The following MICALL1 variants were observed in gnomAD, a reference collection of about 807,000 sequenced individuals.
MICALL1 encodes the protein MICAL like 1, also known as MICAL-like protein 1.
A neutral mutation model predicts 83.7 loss-of-function variants in MICALL1; 61 were observed. The observed-to-expected ratio is 0.73, with a 90% CI of 0.59 to 0.90. MICALL1 has a LOEUF of 0.90. MICALL1 is among the 40% of genes least tolerant of loss of function. The probability of loss-of-function intolerance (pLI) is 0.00; values close to 1 mark genes in which losing one functional copy is unlikely to be tolerated. For missense variants in MICALL1, 1,066 were observed against 1,152.0 expected (o/e 0.93, Z 1.08); for synonymous variants, 481 against 473.6 (o/e 1.02, Z -0.20).
At position 37,925,906 on chromosome 22, in the gene MICALL1, G is replaced by T. The variant is rs534439966; in HGVS notation, c.1328G>T (p.Ser443Ile). ...GAGGAAGAGGCTCCAGCTGCACCCA[G>T]CCTGGCCACCAGCCCTGCCCTGGGC... The part of the protein sequence containing the change: ...DKEEEAPAAP[S>I]LATSPALGHP... The change falls in exon 8 of 16, where the codon AGC (serine) becomes ATC (isoleucine). Residue 443 changes from serine to isoleucine, a missense_variant. By Grantham distance (142) the Ser-to-Ile change is moderately radical. Transcript: ENST00000215957. 6.2e-6 allele frequency: 10 copies of T among 1,612,886 alleles called. No individual in the cohort carries two copies. The African/African-American group carries it at 9.3e-5, about 15-fold the overall frequency.
In MICALL1 at chr22:37,911,987, A is replaced by G. The variant is rs1451076669; in HGVS notation, c.182A>G (p.Glu61Gly). ...FDSLSKDNVF[E>G]NNRLAFEVAE... Reference sequence around the variant, plus strand: ...TCGCTTTCCAAGGACAATGTCTTCGAGAATAACCGTTTGGTAAGTTCCCGG... The same window carrying G: ...TCGCTTTCCAAGGACAATGTCTTCGGGAATAACCGTTTGGTAAGTTCCCGG... Residue 61 changes from glutamate to glycine, a missense_variant, in exon 2 of 16, where the codon GAG becomes GGG. Transcript: ENST00000215957. 1.2e-6 allele frequency: 2 copies of G among 1,614,004 alleles called. No individual in the cohort carries two copies. The highest frequency in any genetic ancestry group is 1.7e-6 in the Non-Finnish European group (2 of 1,180,036).
chr22:37,934,803 A>G (rs574144665), intron 13 of MICALL1, among the ~76,000 whole-genome samples: 58 of 150,938 alleles, frequency 3.8e-4, no homozygotes, highest in African/African-American at 1.1e-3. Flanking sequence ...TCACCATGTT[A>G]GCCAGGATGG....
At chr22:37,912,198 C>G (rs1273287615) in intron 2 of MICALL1, among the ~76,000 whole-genome samples, 153 bp from the exon 3 acceptor site, 2 of 152,218 alleles carry the variant, frequency 1.3e-5, no homozygotes, top group Non-Finnish European at 2.9e-5. Context: ...TCCAGGCCAT[C>G]CTGTGGTGCT....
intron 13 of MICALL1, among the ~76,000 whole-genome samples, chr22:37,934,893 G>A (rs78357579): frequency 4.7e-5 from 7 of 148,776 alleles, no homozygotes; most frequent in Admixed American, 3.4e-4. Context: ...ACTGCGCCTG[G>A]CTCTATTTAT....
intron 13 of MICALL1, 60 bp downstream of exon 13, chr22:37,933,172 G>A (rs1929896156): frequency 6.4e-7 from 1 of 1,563,014 alleles, no homozygotes; most frequent in Non-Finnish European, 8.8e-7. Context: ...ACACGGAGGA[G>A]TGGGGGAGCG....
At chr22:37,935,554 C>T (rs567828882) in intron 13 of MICALL1, among the ~76,000 whole-genome samples, 19 of 151,884 alleles carry the variant, frequency 1.3e-4, no homozygotes, top group African/African-American at 3.1e-4. Context: ...CCACCGCACC[C>T]GGCCTATTAT....
At chr22:37,939,542 G>A (rs1930316329) in intron 15 of MICALL1, among the ~76,000 whole-genome samples, 2 of 152,070 alleles carry the variant, frequency 1.3e-5, no homozygotes, top group South Asian at 2.1e-4. Flanking sequence ...TTGGGAGGCC[G>A]AGGCCGGCAG....
Position 37,924,312 on chromosome 22 carries a change from C to T in MICALL1, c.1025-348C>T, listed in dbSNP as rs1166261340. 6.6e-6 allele frequency among the ~76,000 whole-genome samples: 1 copy of T among 152,168 alleles called. No individual in the cohort carries two copies. Among genetic ancestry groups the T allele is most frequent in the Non-Finnish European group, 1.5e-5 (1 of 68,020 alleles). On this transcript the variant is annotated intron_variant, in intron 6 of 15. Coordinates refer to ENST00000215957, the MANE Select transcript of MICALL1 (RefSeq NM_033386.4). This position sits in a 1 kb window ranked among gnomAD's most constrained non-coding sequence, Gnocchi z 5.2. ...GTTGGAAGGAGGGGAGCAGGGGCTG[C>T]TGTGGGATTCACAGAGGACACTTGG...
Position 37,906,414 on chromosome 22 carries a change from C to T in MICALL1, c.-9C>T. 7.1e-6 allele frequency: 8 copies of T among 1,119,322 alleles called. No individual in the cohort carries two copies. Among genetic ancestry groups the T allele is most frequent in the Non-Finnish European group, 8.7e-6 (8 of 915,872 alleles). The allele number at this position is 1,119,322 out of a possible 1,614,324, so 69.3% of individuals were successfully genotyped here. On this transcript the variant is annotated 5_prime_UTR_variant, in exon 1 of 16. Coordinates refer to ENST00000215957, the MANE Select transcript of MICALL1 (RefSeq NM_033386.4). This position sits in a 1 kb window ranked among gnomAD's most constrained non-coding sequence, Gnocchi z 4.4. ...AAGCCAGAGCCGGAGCCGGGCGGGC[C>T]GCGGGGTCATGGCTGGGCCGCGGGG...
chr22:37,934,115 C>T (rs546558307), intron 13 of MICALL1, among the ~76,000 whole-genome samples: 1 of 152,376 alleles, frequency 6.6e-6, no homozygotes, highest in East Asian at 1.9e-4. Flanking sequence ...CACGGCTCCT[C>T]TGCCTCCCTG....
At chr22:37,935,088 C>T (rs576810826) in intron 13 of MICALL1, among the ~76,000 whole-genome samples, 1 of 141,918 alleles carries the variant, frequency 7.0e-6, no homozygotes, top group Non-Finnish European at 1.5e-5. Flanking sequence ...ACCTGCCACC[C>T]CGCCCGGCTA....
In MICALL1 at chr22:37,926,026, C is replaced by T; in HGVS notation, c.1448C>T (p.Pro483Leu). The T allele has an allele frequency of 6.2e-7, 1 of 1,602,980 alleles. No homozygotes were observed. The highest frequency in any genetic ancestry group is 1.3e-5 in the African/African-American group (1 of 74,716). ...AAGAAGCGCCCTGCCCCGCGCGCAC[C>T]CAGCGCGTCCCCACTGGGTGAGTGC... ...KTKKRPAPRAPSASPLALHAS... is the reference protein window; with the variant it reads ...KTKKRPAPRALSASPLALHAS... The change falls in exon 8 of 16, where the codon CCC (proline) becomes CTC (leucine). Residue 483 changes from proline (P) to leucine (L), a missense_variant. Physicochemically the swap from Pro to Leu is moderately conservative, Grantham distance 98. Transcript: ENST00000215957.
chr22:37,934,572 T>G (rs1181905931), intron 13 of MICALL1, among the ~76,000 whole-genome samples: 1 of 143,684 alleles, frequency 7.0e-6, no homozygotes, highest in Non-Finnish European at 1.5e-5. Flanking sequence ...TTATTTATTT[T>G]GGGGGGGGGT....
At chr22:37,909,831 C>T (rs1470441225) in intron 1 of MICALL1, among the ~76,000 whole-genome samples, 1 of 151,934 alleles carries the variant, frequency 6.6e-6, no homozygotes, top group Non-Finnish European at 1.5e-5. Context: ...GGGAAGTCCT[C>T]AGTGATGGGT....
At chr22:37,938,461 T>C (rs1363860027) in intron 15 of MICALL1, among the ~76,000 whole-genome samples, 1 of 150,828 alleles carries the variant, frequency 6.6e-6, no homozygotes, top group Non-Finnish European at 1.5e-5. Flanking sequence ...TCTTTTCTTT[T>C]TTTTTTTTTT....
chr22:37,926,003 G>T lies in MICALL1; in HGVS notation c.1425G>T (p.Lys475Asn). Reference protein sequence around the residue: ...GITPTSSPKTKKRPAPRAPSA... With the variant: ...GITPTSSPKTNKRPAPRAPSA... Reference sequence around the variant, plus strand: ...CCCCTACCAGCAGCCCCAAGACAAAGAAGCGCCCTGCCCCGCGCGCACCCA... The same window carrying T: ...CCCCTACCAGCAGCCCCAAGACAAATAAGCGCCCTGCCCCGCGCGCACCCA... Residue 475 changes from lysine to asparagine, a missense_variant, in exon 8 of 16, where the codon AAG (lysine) becomes AAT (asparagine). Physicochemically the swap from Lys to Asn is moderately conservative, Grantham distance 94. Coordinates refer to ENST00000215957, the MANE Select transcript of MICALL1 (RefSeq NM_033386.4). The T allele has an allele frequency of 6.2e-7, 1 of 1,613,300 alleles. No individual in the cohort carries two copies. The highest frequency in any genetic ancestry group is 2.2e-5 in the East Asian group (1 of 44,864).
chr22:37,925,123 T>C (rs1367692205), intron 7 of MICALL1, among the ~76,000 whole-genome samples: 4 of 152,158 alleles, frequency 2.6e-5, no homozygotes, highest in Non-Finnish European at 4.4e-5. Context: ...CTGCTTCACG[T>C]GGAGGACATC....
Position 37,937,201 on chromosome 22 carries a change from T to C in MICALL1, c.2423+7T>C. The C allele has an allele frequency of 8.6e-7, 1 of 1,169,078 alleles. No individual in the cohort carries two copies. The highest frequency in any genetic ancestry group is 1.3e-5 in the South Asian group (1 of 75,994). The allele number at this position is 1,169,078 out of a possible 1,614,324, so 72.4% of individuals were successfully genotyped here. A position where few individuals can be genotyped will look rare whatever the true frequency, so the allele number is the denominator to read the frequency against. On this transcript the variant is annotated splice_region_variant and intron_variant, in intron 14 of 15. Transcript: ENST00000215957. The stretch of plus-strand genomic sequence containing the variant: ...TGGATGAGGACCGGCAGAGGTGACA[T>C]GGCCAGGGGTGGGGGGTCCTGGGGG...
At chr22:37,922,601 ATT>A (rs1198282750) in intron 6 of MICALL1, among the ~76,000 whole-genome samples, 175 bp downstream of exon 6, 57 of 31,906 alleles carry the variant, frequency 1.8e-3, no homozygotes, top group African/African-American at 3.0e-3. Context: ...ATATATATAT[ATT>A]TTTTTTTTTT....
Sources: gnomAD v4.1 joint callset for allele counts (sites outside exome capture counted in the v4.1 genomes callset) on GRCh38, gnomAD v4.1.1 for gene constraint, Gnocchi (gnomAD v3.1) non-coding constraint, MANE v1.5 for transcripts, NCBI Gene and HGNC (gene_info 2026-07-23, HGNC 2026-07-21) for gene names.